The following HMGB1 variants were observed in gnomAD, a reference collection of about 807,000 sequenced individuals.
HMGB1 encodes the protein high mobility group box 1, also known as high mobility group protein B1.
For synonymous variants in HMGB1, 81 were observed against 84.0 expected, an observed-to-expected ratio of 0.96 and a Z score of 0.19; for missense variants, 79 against 253.5, an observed-to-expected ratio of 0.31 and a Z score of 4.67.
At chr13:30,524,700 AAATAAT>A (rs71093076) in intron 1 of HMGB1, among the ~76,000 whole-genome samples, 17 of 13,884 alleles carry the variant, frequency 1.2e-3, no homozygotes, top group Non-Finnish European at 3.2e-3. Flanking sequence ...AAAATAAAAT[AAATAAT>A]AATAATAATA....
chr13:30,496,272 T>G (rs1258923969), intron 1 of HMGB1, among the ~76,000 whole-genome samples: 1 of 152,256 alleles, frequency 6.6e-6, no homozygotes, highest in African/African-American at 2.4e-5. Context: ...GCAGATCATC[T>G]GCACACCAGT....
chr13:30,555,043 T>G (rs1318387471), intron 1 of HMGB1, among the ~76,000 whole-genome samples: 1 of 135,994 alleles, frequency 7.4e-6, no homozygotes, highest in African/African-American at 2.7e-5. Flanking sequence ...GTTTTTTTTT[T>G]TTTTTTTTTT....
intron 1 of HMGB1, among the ~76,000 whole-genome samples, chr13:30,598,900 T>C (rs1330992049): frequency 7.7e-6 from 1 of 130,272 alleles, no homozygotes; most frequent in East Asian, 2.3e-4. Context: ...TGTACACACG[T>C]ATATGTATAT....
intron 1 of HMGB1, among the ~76,000 whole-genome samples, chr13:30,604,182 G>C (rs769658417): frequency 3.3e-5 from 5 of 152,084 alleles, no homozygotes; most frequent in Non-Finnish European, 7.4e-5. Context: ...ATGTAAATTG[G>C]TCAGGAAGGG....
rs1566019110 is a variant in HMGB1 at position 30,538,651 on chromosome 13, CTTTCTTTCT to C, written c.-14-74966_-14-74958del. ...TTTCTTTTTCTTTCTTCCTTTCTTT[CTTTCTTTCT>C]TTCCTTTCTTTCTTTCTTTCTTTCC... is the stretch of plus-strand genomic sequence containing the variant. On this transcript the variant is annotated intron_variant, in intron 1 of 4. Coordinates refer to the HMGB1 transcript ENST00000405805. 4.7e-3 allele frequency among the ~76,000 whole-genome samples: 203 copies of C among 43,474 alleles called. 11 individuals carry two copies. Among genetic ancestry groups the C allele is most frequent in the African/African-American group, 0.036 (180 of 4,968 alleles). 28.5% of individuals were successfully genotyped at this position (43,474 alleles called of 152,430 possible).
chr13:30,488,214 A>G (rs1474833963), intron 1 of HMGB1, among the ~76,000 whole-genome samples: 1 of 152,236 alleles, frequency 6.6e-6, no homozygotes, highest in Non-Finnish European at 1.5e-5. Flanking sequence ...ATAGCGTGTA[A>G]AACAGACACC....
At chr13:30,548,677 C>T (rs1348850332) in intron 1 of HMGB1, among the ~76,000 whole-genome samples, 1 of 152,148 alleles carries the variant, frequency 6.6e-6, no homozygotes, top group South Asian at 2.1e-4. Context: ...CCTCTTAATG[C>T]TTCCACTAAT....
chr13:30,524,203 G>C (rs1226052443), intron 1 of HMGB1, among the ~76,000 whole-genome samples: 1 of 151,990 alleles, frequency 6.6e-6, no homozygotes, highest in African/African-American at 2.4e-5. Context: ...TGGGGAGCAA[G>C]GGGAGGGAGA....
intron 1 of HMGB1, among the ~76,000 whole-genome samples, chr13:30,482,168 A>C (rs1483088073): frequency 1.3e-5 from 2 of 152,240 alleles, no homozygotes; most frequent in Non-Finnish European, 2.9e-5. Context: ...GAACTGAGGC[A>C]GGACACCTGA....
Position 30,459,528 on chromosome 13 carries a change from T to G in HMGB1, c.*1829A>C, listed in dbSNP as rs942301259. On this transcript the variant is annotated 3_prime_UTR_variant, in exon 5 of 5. Transcript: ENST00000341423. The stretch of plus-strand genomic sequence containing the variant: ...TTGCTCCTCTTAACAAAAAATCTGA[T>G]GTTCGACACAATTGCAGCCTATCAC... 2.0e-5 allele frequency: 3 copies of G among 152,220 alleles called. No individual in the cohort carries two copies. The highest frequency in any genetic ancestry group is 6.5e-5 in the Admixed American group (1 of 15,276). The allele number at this position is 152,220 out of a possible 1,614,324, so 9.4% of individuals were successfully genotyped here.
chr13:30,526,860 CT>C, intron 1 of HMGB1, among the ~76,000 whole-genome samples: 1 of 152,350 alleles, frequency 6.6e-6, no homozygotes, highest in Admixed American at 6.5e-5. Context: ...CACAAGTGTT[CT>C]AATGATTTAG....
chr13:30,542,117 C>G (rs1008232633), intron 1 of HMGB1: 1 of 153,622 alleles, frequency 6.5e-6, no homozygotes, highest in Non-Finnish European at 1.5e-5. Flanking sequence ...CAGAGTAGTG[C>G]GGCCCCGCCT....
At chr13:30,571,584 G>A (rs570019382) in intron 1 of HMGB1, among the ~76,000 whole-genome samples, 23 of 152,192 alleles carry the variant, frequency 1.5e-4, no homozygotes, top group South Asian at 4.1e-4. Flanking sequence ...GTGAGCCACC[G>A]TACCCAGCCT....
intron 1 of HMGB1, among the ~76,000 whole-genome samples, chr13:30,477,244 T>G (rs962415273): frequency 1.3e-5 from 2 of 152,184 alleles, no homozygotes; most frequent in African/African-American, 4.8e-5. Flanking sequence ...GAAAAAAGTT[T>G]AATGAAACAA....
intron 1 of HMGB1, among the ~76,000 whole-genome samples, chr13:30,531,556 G>GTT (rs1388257459): frequency 7.4e-6 from 1 of 135,514 alleles, no homozygotes; most frequent in Non-Finnish European, 1.6e-5. Context: ...GTGTGTGTGT[G>GTT]TTTTCAGCGA....
chr13:30,474,185 C>T (rs1887013453), intron 1 of HMGB1, among the ~76,000 whole-genome samples: 1 of 152,180 alleles, frequency 6.6e-6, no homozygotes, highest in East Asian at 1.9e-4. Flanking sequence ...GGGTAAATTA[C>T]ATGGTGTATG....
At chr13:30,616,848 T>A (rs1279182261) in exon 1 of HMGB1, 1 of 152,216 alleles carries the variant, frequency 6.6e-6, no homozygotes, top group Non-Finnish European at 1.5e-5. Context: ...ATCATTTAGT[T>A]TGAGACCACT....
intron 1 of HMGB1, among the ~76,000 whole-genome samples, chr13:30,573,335 T>C (rs141117262): frequency 5.3e-5 from 8 of 152,320 alleles, no homozygotes; most frequent in Admixed American, 3.9e-4. Flanking sequence ...ACTGTCATAA[T>C]TGTACACCAG....
At chr13:30,491,856 CT>C (rs1887500839) in intron 1 of HMGB1, among the ~76,000 whole-genome samples, 1 of 152,076 alleles carries the variant, frequency 6.6e-6, no homozygotes, top group African/African-American at 2.4e-5. Context: ...CTTGTCAACA[CT>C]TAAAAATTTG....
Sources: allele counts gnomAD v4.1 joint callset (sites outside exome capture counted in the v4.1 genomes callset), GRCh38; gene constraint gnomAD v4.1.1; transcripts MANE v1.5; gene names NCBI Gene and HGNC (gene_info 2026-07-23, HGNC 2026-07-21).